SNTB2: variants seen among roughly 807,000 people sequenced by gnomAD.
SNTB2 encodes the protein syntrophin beta 2, also known as beta-2-syntrophin.
Under a neutral mutation model 46.2 loss-of-function variants are expected in SNTB2, and 34 were observed. That is an observed-to-expected ratio of 0.74 (90% CI 0.56 to 0.98). SNTB2 has a LOEUF of 0.98. Ranked by LOEUF, SNTB2 falls within the 50% of genes least tolerant of loss-of-function variation. The probability of loss-of-function intolerance (pLI) is 0.00; values close to 1 mark genes in which losing one functional copy is unlikely to be tolerated. For missense variants in SNTB2, 603 were observed against 731.4 expected (o/e 0.82, Z 2.02); for synonymous variants, 290 against 312.6 (o/e 0.93, Z 0.76).
At chr16:69,216,337 T>C (rs1388932118) in intron 1 of SNTB2, among the ~76,000 whole-genome samples, 1 of 152,154 alleles carries the variant, frequency 6.6e-6, no homozygotes, top group East Asian at 1.9e-4. Flanking sequence ...TTAATTCACT[T>C]AATCTTCATA....
chr16:69,262,499 T>C (rs1167048175), intron 3 of SNTB2, among the ~76,000 whole-genome samples: 1 of 152,060 alleles, frequency 6.6e-6, no homozygotes, highest in Non-Finnish European at 1.5e-5. Flanking sequence ...ATGTTCATAG[T>C]GTTGTTTTTT....
intron 1 of SNTB2, among the ~76,000 whole-genome samples, chr16:69,195,177 G>A (rs1290530706): frequency 2.0e-5 from 3 of 152,118 alleles, no homozygotes; most frequent in Non-Finnish European, 4.4e-5. Context: ...TAGAGCTCAG[G>A]GGCAGCTTTT....
At chr16:69,251,468 TAAAAAAAAAAAA>T (rs71148976) in intron 2 of SNTB2, among the ~76,000 whole-genome samples, 7 of 106,130 alleles carry the variant, frequency 6.6e-5, no homozygotes, top group Non-Finnish European at 1.3e-4. Context: ...ATGTTTAGTT[TAAAAAAAAAAAA>T]AAAAAAAAAA....
At position 69,263,905 on chromosome 16, in the gene SNTB2, CAG is replaced by C. The variant is rs572736508; in HGVS notation, c.1005+3648_1005+3649del. 1.5e-4 allele frequency among the ~76,000 whole-genome samples: 23 copies of C among 150,782 alleles called. No individual in the cohort carries two copies. In the East Asian group the frequency reaches 3.9e-3, roughly 26 times the overall value. On this transcript the variant is annotated intron_variant, in intron 3 of 6. Coordinates refer to ENST00000336278, the MANE Select transcript of SNTB2 (RefSeq NM_006750.4). ...TGAGGCAGAGTCTCACTCTGTTGCC[CAG>C]AGTCTCACTCTGTTGCAGTGGCGCA...
intron 4 of SNTB2, among the ~76,000 whole-genome samples, chr16:69,283,799 G>C (rs1045660965): frequency 1.3e-5 from 2 of 152,114 alleles, no homozygotes; most frequent in African/African-American, 4.8e-5. Context: ...ACTTTGGGAG[G>C]CCGAGGCAGG....
intron 5 of SNTB2, among the ~76,000 whole-genome samples, chr16:69,292,402 A>AT (rs1256835088): frequency 4.3e-5 from 1 of 23,006 alleles, no homozygotes; most frequent in African/African-American, 7.6e-4. Flanking sequence ...ATATATATAT[A>AT]TATATTATAT....
chr16:69,220,198 G>A (rs1271586437), intron 1 of SNTB2, among the ~76,000 whole-genome samples: 1 of 103,118 alleles, frequency 9.7e-6, no homozygotes, highest in East Asian at 2.7e-4. Context: ...AGTCTTACTC[G>A]TTGCCCAGGC....
intron 1 of SNTB2, among the ~76,000 whole-genome samples, chr16:69,194,292 A>G (rs1964083489): frequency 6.6e-6 from 1 of 152,090 alleles, no homozygotes; most frequent in African/African-American, 2.4e-5. Context: ...TTTTAAATAT[A>G]CCTTTTTGAA....
At chr16:69,298,045 C>A (rs1965244424) in intron 5 of SNTB2, among the ~76,000 whole-genome samples, 1 of 151,846 alleles carries the variant, frequency 6.6e-6, no homozygotes, top group Non-Finnish European at 1.5e-5. Flanking sequence ...CGCAAGTGAT[C>A]CTCCCACCCC....
At chr16:69,292,370 ATATATATAT>A (rs1965170598) in intron 5 of SNTB2, among the ~76,000 whole-genome samples, 13 of 33,094 alleles carry the variant, frequency 3.9e-4, no homozygotes, top group Non-Finnish European at 5.8e-4. Flanking sequence ...ATATATATAT[ATATATATAT>A]TATATATATA....
intron 2 of SNTB2, among the ~76,000 whole-genome samples, chr16:69,246,735 C>T (rs1191572169): frequency 3.4e-5 from 5 of 147,030 alleles, no homozygotes; most frequent in African/African-American, 1.3e-4. Context: ...GCCACAATTT[C>T]AGCTCCTGTT....
At position 69,187,471 on chromosome 16, in the gene SNTB2, G is replaced by A. The variant is rs1964001964; in HGVS notation, c.305G>A (p.Gly102Asp). The change falls in exon 1 of 7, where the codon GGC (glycine) becomes GAC (aspartate). Residue 102 changes from glycine (G) to aspartate (D), a missense_variant. Physicochemically the swap from Gly to Asp is moderately conservative, Grantham distance 94. Transcript: ENST00000336278. ...CCGAGCCCGCCGGCGCCGCCTCGGG[G>A]CCCCGCGGGTGAGGCGGGCGCGTCG... is the stretch of plus-strand genomic sequence containing the variant. The part of the protein sequence containing the change: ...GPPSPPAPPR[G>D]PAGEAGASPP... 2 of 1,208,510 alleles carry A rather than the reference G, an allele frequency of 1.7e-6. No individual in the cohort carries two copies. Among genetic ancestry groups the A allele is most frequent in the Non-Finnish European group, 1.0e-6 (1 of 968,766 alleles). The allele number at this position is 1,208,510 out of a possible 1,614,324, so 74.9% of individuals were successfully genotyped here.
chr16:69,272,782 T>G (rs1278874736), intron 4 of SNTB2, among the ~76,000 whole-genome samples: 1 of 150,258 alleles, frequency 6.7e-6, no homozygotes, highest in East Asian at 1.9e-4. Context: ...TCCCAGCTAC[T>G]TGGGAGGCTG....
At chr16:69,263,108 CTT>C (rs35884506) in intron 3 of SNTB2, among the ~76,000 whole-genome samples, 31 of 141,810 alleles carry the variant, frequency 2.2e-4, no homozygotes, top group Admixed American at 2.1e-4. Context: ...TTCCACTCTA[CTT>C]TTTTTTTTTT....
chr16:69,216,417 T>C (rs1308906147), intron 1 of SNTB2, among the ~76,000 whole-genome samples: 1 of 152,072 alleles, frequency 6.6e-6, no homozygotes, highest in African/African-American at 2.4e-5. Flanking sequence ...GCATGGTGGC[T>C]CACGCCTATA....
chr16:69,193,318 CTTTTTTTTT>C (rs57663863), intron 1 of SNTB2, among the ~76,000 whole-genome samples: 32 of 70,194 alleles, frequency 4.6e-4, no homozygotes, highest in South Asian at 8.5e-4. Context: ...ATGGTATAGA[CTTTTTTTTT>C]TTTTTTTTTT....
chr16:69,308,846 CAG>C lies in SNTB2; in HGVS notation c.*7923_*7924del, dbSNP rs1040334142. On this transcript the variant is annotated 3_prime_UTR_variant, in exon 7 of 7. Transcript: ENST00000336278. ...CAAATCAAAAACCCAACGCGTAAAACAGGGCAGTATTTGTGTTCCTAATTTTA... is the reference window on the plus strand; with the variant it reads ...CAAATCAAAAACCCAACGCGTAAAACGGCAGTATTTGTGTTCCTAATTTTA... 6.6e-6 allele frequency: 1 copy of C among 152,286 alleles called. No individual in the cohort carries two copies. Among genetic ancestry groups the C allele is most frequent in the East Asian group, 1.9e-4 (1 of 5,196 alleles). The allele number at this position is 152,286 out of a possible 1,614,324, so 9.4% of individuals were successfully genotyped here. A position where few individuals can be genotyped will look rare whatever the true frequency, so the allele number is the denominator to read the frequency against.
chr16:69,258,924 A>G (rs947503887), intron 2 of SNTB2, among the ~76,000 whole-genome samples: 2 of 151,714 alleles, frequency 1.3e-5, no homozygotes, highest in African/African-American at 4.8e-5. Context: ...CTAATTTTCT[A>G]TTTATTTCAC....
At chr16:69,230,384 C>T (rs563282849) in intron 1 of SNTB2, 7 of 149,378 alleles carry the variant, frequency 4.7e-5, no homozygotes, top group African/African-American at 1.7e-4. Context: ...CTTTTTGAGA[C>T]GGAGTTTCGC....
Sources: allele counts gnomAD v4.1 joint callset (sites outside exome capture counted in the v4.1 genomes callset), GRCh38; gene constraint gnomAD v4.1.1; transcripts MANE v1.5; gene names NCBI Gene and HGNC (gene_info 2026-07-23, HGNC 2026-07-21).